The following PIWIL1 variants were observed in gnomAD, a reference collection of about 807,000 sequenced individuals.
PIWIL1 encodes the protein piwi-like protein 1.
PIWIL1 carries 73 observed loss-of-function variants against 114.4 expected under a neutral mutation model. That is an observed-to-expected ratio of 0.64 (90% CI 0.53 to 0.78). The LOEUF (loss-of-function observed/expected upper bound fraction) is 0.78. Ranked by LOEUF, PIWIL1 falls within the 30% of genes least tolerant of loss-of-function variation. PIWIL1 has a pLI of 0.00. For missense variants in PIWIL1, 723 were observed against 1,063.1 expected (o/e 0.68, Z 4.45); for synonymous variants, 375 against 369.0 (o/e 1.02, Z -0.19).
exon 21 of PIWIL1, chr12:130,372,597 C>CAAAAAAAAAAAAAAAAAAAAAAAAAAA (rs60262232): frequency 1.5e-5 from 1 of 67,882 alleles, no homozygotes; most frequent in African/African-American, 6.9e-5. Flanking sequence ...GACTCCGTCT[C>CAAAAAAAAAAAAAAAAAAAAAAAAAAA]AAAAAAAAAA....
chr12:130,340,363 T>G (rs1255777708), intron 1 of PIWIL1, among the ~76,000 whole-genome samples: 1 of 151,946 alleles, frequency 6.6e-6, no homozygotes, highest in East Asian at 1.9e-4. Flanking sequence ...TGGAAGACAA[T>G]TTTTCCACGG....
the PIWIL1 span, among the ~76,000 whole-genome samples, chr12:130,384,957 G>C: frequency 6.6e-6 from 1 of 152,212 alleles, no homozygotes; most frequent in South Asian, 2.1e-4. Flanking sequence ...TTTGGAGAAG[G>C]GAAAGATATT....
At chr12:130,358,600 C>T (rs1246513099) in intron 14 of PIWIL1, among the ~76,000 whole-genome samples, 1 of 152,156 alleles carries the variant, frequency 6.6e-6, no homozygotes, top group African/African-American at 2.4e-5. Flanking sequence ...CGCCACCAGT[C>T]AGCTCCTCAA....
intron 9 of PIWIL1, 56 bp downstream of exon 9, chr12:130,350,023 C>T (rs1255958563): frequency 3.1e-6 from 3 of 957,576 alleles, no homozygotes; most frequent in Non-Finnish European, 4.9e-6. Context: ...TGGTAGAATT[C>T]TCTAACACTT....
chr12:130,425,179 G>A, the PIWIL1 span: 33 of 246,760 alleles, frequency 1.3e-4, no homozygotes, highest in Non-Finnish European at 1.9e-4. Context: ...CAGTGCCCAC[G>A]GTACCGCTGC....
chr12:130,422,764 C>T, the PIWIL1 span, among the ~76,000 whole-genome samples: 7 of 152,294 alleles, frequency 4.6e-5, no homozygotes, highest in South Asian at 6.2e-4. The surrounding 1 kb of genome is among the most constrained non-coding windows in gnomAD (Gnocchi z 5.2). Context: ...CGCTGCTGGG[C>T]GCATGGTGGG....
At chr12:130,396,857 A>C in the PIWIL1 span, 2 of 152,688 alleles carry the variant, frequency 1.3e-5, no homozygotes, top group Non-Finnish European at 2.9e-5. Context: ...AATGCACGAC[A>C]CATACAAAGT....
At position 130,343,039 on chromosome 12, in the gene PIWIL1, AG is replaced by A. The variant is rs2072968962; in HGVS notation, c.133del (p.Glu45AsnfsTer32). The A allele has an allele frequency of 6.2e-7, 1 of 1,614,116 alleles. No individual in the cohort carries two copies. The highest frequency in any genetic ancestry group is 2.2e-5 in the East Asian group (1 of 44,878). ...CCTAGGCCTCAGCCGCCACCAGCAG[AG>A]GGGGAATTATTTGGCCGTGGACGGC... ...IQPRPQPPPA[E>X]GELFGRGRQR... On this transcript the variant is annotated frameshift_variant, in exon 3 of 21. Transcript: ENST00000245255. LOFTEE classifies it high-confidence loss of function.
the PIWIL1 span, among the ~76,000 whole-genome samples, chr12:130,413,390 G>A: frequency 1.3e-5 from 2 of 152,064 alleles, no homozygotes; most frequent in East Asian, 3.9e-4. Context: ...AGCACTTTGG[G>A]AGGCCAAGGC....
chr12:130,390,008 A>C, the PIWIL1 span, among the ~76,000 whole-genome samples: 2 of 152,176 alleles, frequency 1.3e-5, no homozygotes, highest in Non-Finnish European at 2.9e-5. Context: ...GCCAGGGTTA[A>C]TTTACCATGT....
the PIWIL1 span, among the ~76,000 whole-genome samples, chr12:130,404,410 G>C: frequency 3.3e-5 from 5 of 152,128 alleles, no homozygotes; most frequent in Non-Finnish European, 7.4e-5. Context: ...TGATTCTCCT[G>C]CCTCAGCCTC....
At chr12:130,399,009 C>CT in the PIWIL1 span, 26,037 of 416,988 alleles carry the variant, frequency 0.062, 644 homozygotes, top group African/African-American at 0.16. Flanking sequence ...TTCTTTGTAT[C>CT]TTTTTTTTTT....
the PIWIL1 span, among the ~76,000 whole-genome samples, chr12:130,411,257 T>A: frequency 9.8e-5 from 15 of 152,322 alleles, no homozygotes; most frequent in South Asian, 3.1e-3. Context: ...CCTTTGAGAT[T>A]CCTTGAGATT....
chr12:130,423,040 C>T, the PIWIL1 span, among the ~76,000 whole-genome samples: 2 of 152,194 alleles, frequency 1.3e-5, no homozygotes, highest in Admixed American at 6.5e-5. Context: ...GAAGTTTCTA[C>T]ATTTTATCAG....
the PIWIL1 span, chr12:130,396,097 A>G: frequency 6.6e-6 from 1 of 152,624 alleles, no homozygotes; most frequent in Non-Finnish European, 1.5e-5. Flanking sequence ...TTATCCCGCT[A>G]TGATAAAATA....
chr12:130,373,921 G>A (rs1396555070), downstream of PIWIL1, among the ~76,000 whole-genome samples: 1 of 152,152 alleles, frequency 6.6e-6, no homozygotes, highest in Non-Finnish European at 1.5e-5. Flanking sequence ...CTCCTTTCAC[G>A]TGGGATGTGC....
chr12:130,371,754 G>A lies in PIWIL1; in HGVS notation c.*156G>A, dbSNP rs766776275. On this transcript the variant is annotated 3_prime_UTR_variant, in exon 21 of 21. Coordinates refer to ENST00000245255, the MANE Select transcript of PIWIL1 (RefSeq NM_004764.5). ...TTTATTTCTAGCATTGCTATTCACC[G>A]GCTTCCTTATTTTATACGTAAAAAT... The A allele has an allele frequency of 1.3e-5, 6 of 454,740 alleles. No homozygotes were observed. Among genetic ancestry groups the A allele is most frequent in the African/African-American group, 4.1e-5 (2 of 49,038 alleles). 28.2% of individuals were successfully genotyped at this position (454,740 alleles called of 1,614,324 possible).
chr12:130,343,335 C>T (rs2072977567), intron 3 of PIWIL1, among the ~76,000 whole-genome samples: 1 of 152,132 alleles, frequency 6.6e-6, no homozygotes, highest in African/African-American at 2.4e-5. Context: ...CTCAGGATTG[C>T]AAATTTAACT....
In PIWIL1 at chr12:130,340,227, A is replaced by G. The variant is rs117865457; in HGVS notation, c.-13+2081A>G. ...GTTAGCAGAGGGTGTGCCACGGTGT[A>G]GGGTGAGTCACGGAATTGATAGTGA... On this transcript the variant is annotated intron_variant, in intron 1 of 20. Coordinates refer to ENST00000245255, the MANE Select transcript of PIWIL1 (RefSeq NM_004764.5). Among the ~76,000 whole-genome samples, 179 of 152,240 alleles carry G rather than the reference A, an allele frequency of 1.2e-3. 4 individuals carry two copies. The East Asian group carries it at 0.03, about 25-fold the overall frequency.
Sources: allele counts gnomAD v4.1 joint callset (sites outside exome capture counted in the v4.1 genomes callset), GRCh38; gene constraint gnomAD v4.1.1; non-coding constraint Gnocchi (gnomAD v3.1); transcripts MANE v1.5; gene names NCBI Gene and HGNC (gene_info 2026-07-23, HGNC 2026-07-21).